Variants in COG5 observed in about 807,000 individuals in gnomAD.
COG5 encodes the protein conserved oligomeric Golgi complex subunit 5.
Under a neutral mutation model 110.4 loss-of-function variants are expected in COG5, and 86 were observed. The ratio of observed to expected loss-of-function variants is 0.78; its 90% CI spans 0.65 to 0.93. COG5 has a LOEUF of 0.93. Ranked by LOEUF, COG5 falls within the 40% of genes least tolerant of loss-of-function variation. COG5 has a pLI of 0.00. For synonymous variants in COG5, 360 were observed against 334.6 expected (o/e 1.08, Z -0.83); for missense variants, 1,077 against 987.0 (o/e 1.09, Z -1.22).
At position 107,474,710 on chromosome 7, in the gene COG5, T is replaced by C; in HGVS notation, c.538+52527A>G. 1 of 1,611,260 alleles carries C rather than the reference T, an allele frequency of 6.2e-7. No homozygotes were observed. The highest frequency in any genetic ancestry group is 1.1e-5 in the South Asian group (1 of 90,824). On this transcript the variant is annotated intron_variant, in intron 6 of 21. Transcript: ENST00000297135. This position sits in a 1 kb window ranked among gnomAD's most constrained non-coding sequence, Gnocchi z 5.7. ...ATGTATTATCACCTGTTAGTACAGA[T>C]CCCAATATTCTTTTTCACTGTTGTA... is the stretch of plus-strand genomic sequence containing the variant.
intron 14 of COG5, among the ~76,000 whole-genome samples, chr7:107,270,882 CTTTTTTTTTTT>C (rs56971368): frequency 5.5e-4 from 38 of 68,748 alleles, no homozygotes; most frequent in Middle Eastern, 0.016. Context: ...CTAACTAGAA[CTTTTTTTTTTT>C]TTTTTTTTTT....
intron 14 of COG5, among the ~76,000 whole-genome samples, chr7:107,275,140 G>A (rs974829787): frequency 7.2e-5 from 11 of 152,002 alleles, no homozygotes; most frequent in African/African-American, 1.7e-4. Flanking sequence ...ATAGTCCAAC[G>A]TAAGAAGAGA....
chr7:107,562,721 A>G (rs1032689211), intron 1 of COG5, among the ~76,000 whole-genome samples: 4 of 152,252 alleles, frequency 2.6e-5, no homozygotes, highest in Non-Finnish European at 5.9e-5. Context: ...GCTTTTGACA[A>G]AAGTACATAA....
At chr7:107,240,934 A>G (rs1584560293) in intron 17 of COG5, among the ~76,000 whole-genome samples, 1 of 152,366 alleles carries the variant, frequency 6.6e-6, no homozygotes, top group East Asian at 1.9e-4. Flanking sequence ...ACTGTTGTAT[A>G]CACTGAGCTG....
intron 14 of COG5, among the ~76,000 whole-genome samples, chr7:107,280,448 A>G (rs1805074825): frequency 6.6e-6 from 1 of 152,078 alleles, no homozygotes; most frequent in South Asian, 2.1e-4. Flanking sequence ...ACAAACTGAA[A>G]CAACTTGGAT....
At chr7:107,445,050 TGGTAG>T (rs1430347000) in intron 6 of COG5, among the ~76,000 whole-genome samples, 3 of 151,896 alleles carry the variant, frequency 2.0e-5, no homozygotes, top group Non-Finnish European at 4.4e-5. Context: ...TGACAGGCAC[TGGTAG>T]TCCCAGCAAC....
intron 6 of COG5, among the ~76,000 whole-genome samples, chr7:107,432,212 A>C (rs974201484): frequency 5.9e-5 from 9 of 152,228 alleles, no homozygotes; most frequent in Non-Finnish European, 1.3e-4. Flanking sequence ...TAAGTACAAA[A>C]AGAATAATCA....
intron 19 of COG5, among the ~76,000 whole-genome samples, chr7:107,213,933 T>C (rs535799261): frequency 2.0e-4 from 30 of 152,228 alleles, no homozygotes; most frequent in Middle Eastern, 3.4e-3. Flanking sequence ...GAGACGGTCA[T>C]CTATGGAATG....
At chr7:107,337,609 G>T (rs115881844) in intron 10 of COG5, among the ~76,000 whole-genome samples, 1 of 152,040 alleles carries the variant, frequency 6.6e-6, no homozygotes, top group Non-Finnish European at 1.5e-5. Flanking sequence ...CTCATGGAGG[G>T]AGAGAGAAGA....
chr7:107,410,243 G>C lies in COG5; in HGVS notation c.669+2259C>G, dbSNP rs553061321. 1.5e-4 allele frequency among the ~76,000 whole-genome samples: 23 copies of C among 152,264 alleles called. 1 individual carries two copies. The South Asian group carries it at 4.6e-3, about 30-fold the overall frequency. On this transcript the variant is annotated intron_variant, in intron 7 of 21. Transcript: ENST00000297135. Reference sequence around the variant, plus strand: ...GGCTCAGCTATCTGTGTTTTAACCAGTCCTCCCATCAATTCTGATGCATGG... The same window carrying C: ...GGCTCAGCTATCTGTGTTTTAACCACTCCTCCCATCAATTCTGATGCATGG...
chr7:107,514,917 C>T (rs1187945604), intron 6 of COG5, among the ~76,000 whole-genome samples: 1 of 152,038 alleles, frequency 6.6e-6, no homozygotes, highest in Non-Finnish European at 1.5e-5. Flanking sequence ...TGGATATTAT[C>T]ATCATCATCA....
At chr7:107,291,540 A>C (rs573867641) in intron 12 of COG5, among the ~76,000 whole-genome samples, 1 of 152,324 alleles carries the variant, frequency 6.6e-6, no homozygotes, top group East Asian at 1.9e-4. Context: ...TTCCTCAGCT[A>C]GACACAGCTT....
chr7:107,472,578 A>T (rs535688554), intron 6 of COG5: 2 of 152,094 alleles, frequency 1.3e-5, no homozygotes, highest in African/African-American at 4.8e-5. Flanking sequence ...AGTTCAGAAA[A>T]TTTGGCACAC....
chr7:107,362,736 G>T (rs1813232370), intron 8 of COG5, among the ~76,000 whole-genome samples: 1 of 151,524 alleles, frequency 6.6e-6, no homozygotes, highest in Non-Finnish European at 1.5e-5. Flanking sequence ...CATGCCTCTT[G>T]TAGGAAACCA....
intron 1 of COG5, chr7:107,563,554 G>GA: frequency 2.0e-5 from 10 of 501,428 alleles, no homozygotes; most frequent in Non-Finnish European, 2.5e-5. Flanking sequence ...TGGGGGGGGG[G>GA]GGGGTCGAGT....
At chr7:107,468,719 C>T (rs913708298) in intron 6 of COG5, among the ~76,000 whole-genome samples, 2 of 152,144 alleles carry the variant, frequency 1.3e-5, no homozygotes, top group East Asian at 1.9e-4. Flanking sequence ...AAAATGCATA[C>T]GGCTTTTCAA....
At chr7:107,462,439 G>T (rs775828051) in intron 6 of COG5, among the ~76,000 whole-genome samples, 13 of 152,174 alleles carry the variant, frequency 8.5e-5, no homozygotes, top group Non-Finnish European at 1.8e-4. Flanking sequence ...CTTGAGGGAA[G>T]CATGAAGCCA....
chr7:107,554,773 G>T (rs900242020), intron 2 of COG5, among the ~76,000 whole-genome samples: 1 of 151,956 alleles, frequency 6.6e-6, no homozygotes, highest in Admixed American at 6.6e-5. Flanking sequence ...GTCTTCCTCG[G>T]GCCTCTCCAA....
intron 7 of COG5, among the ~76,000 whole-genome samples, chr7:107,383,925 G>A (rs1248959470): frequency 6.6e-6 from 1 of 152,132 alleles, no homozygotes; most frequent in African/African-American, 2.4e-5. Context: ...GTTAAGCTCA[G>A]GGGAAGAGAT....
Sources: gnomAD v4.1 joint callset for allele counts (sites outside exome capture counted in the v4.1 genomes callset) on GRCh38, gnomAD v4.1.1 for gene constraint, Gnocchi (gnomAD v3.1) non-coding constraint, MANE v1.5 for transcripts, NCBI Gene and HGNC (gene_info 2026-07-23, HGNC 2026-07-21) for gene names.